Variants in FAM156A observed in about 807,000 individuals in gnomAD.
The protein encoded by FAM156A is protein FAM156A/FAM156B.
intron 1 of FAM156A, among the ~76,000 whole-genome samples, chrX:52,994,486 G>A (rs1218617685): frequency 9.0e-6 from 1 of 110,674 alleles, no homozygotes; most frequent in African/African-American, 3.3e-5. Context: ...TACATTCTGG[G>A]CAGAGACCCC....
Position 52,985,501 on chromosome X carries a change from A to G in FAM156A, c.-434+9805T>C, listed in dbSNP as rs183546001. ...CTTTCCACCTTAAGAAACTAGAAAA[A>G]GAAAATAAAAATAAACCCAAAGTAA... On this transcript the variant is annotated intron_variant, in intron 1 of 4. Transcript: ENST00000610625. Among the ~76,000 whole-genome samples, 566 of 103,303 alleles carry G rather than the reference A, an allele frequency of 5.5e-3. 2 individuals carry two copies. Among genetic ancestry groups the G allele is most frequent in the Middle Eastern group, 0.01 (2 of 199 alleles). 89.7% of individuals were successfully genotyped at this position (103,303 alleles called of 115,157 possible).
chrX:52,982,996 CT>C (rs1355373631), intron 1 of FAM156A, among the ~76,000 whole-genome samples: 1 of 112,730 alleles, frequency 8.9e-6, no homozygotes, highest in Non-Finnish European at 1.9e-5. Flanking sequence ...GGCTTTGGCC[CT>C]TTACAGGTTC....
intron 1 of FAM156A, among the ~76,000 whole-genome samples, chrX:52,995,017 T>C (rs782677134): frequency 9.0e-6 from 1 of 110,537 alleles, no homozygotes; most frequent in East Asian, 2.8e-4. Flanking sequence ...TCCAGACACA[T>C]AGGCACACAA....
intron 1 of FAM156A, among the ~76,000 whole-genome samples, chrX:52,991,584 GGC>G (rs1930777349): frequency 9.0e-6 from 1 of 111,544 alleles, no homozygotes; most frequent in Non-Finnish European, 1.9e-5. Context: ...TGATATAAAA[GGC>G]ATCACTCTGT....
chrX:52,991,744 C>A lies in FAM156A; in HGVS notation c.-434+3562G>T, dbSNP rs1930788979. On this transcript the variant is annotated intron_variant, in intron 1 of 4. Transcript: ENST00000610625. ...GCCAAGGAAGAGGGTAAGTGGTAGGCAGAATAGTGGCCCCCCAAACACATC... is the reference window on the plus strand; with the variant it reads ...GCCAAGGAAGAGGGTAAGTGGTAGGAAGAATAGTGGCCCCCCAAACACATC... Among the ~76,000 whole-genome samples, 3 of 111,041 alleles carry A rather than the reference C, an allele frequency of 2.7e-5. No individual in the cohort carries two copies. The Admixed American group carries it at 2.9e-4, about 11-fold the overall frequency.
intron 1 of FAM156A, among the ~76,000 whole-genome samples, chrX:52,980,850 G>A (rs1301833548): frequency 1.3e-5 from 1 of 74,961 alleles, no homozygotes; most frequent in Non-Finnish European, 2.6e-5. Context: ...GTGTGTGTGT[G>A]TAGAGGGAGA....
rs148317112 is a variant in FAM156A, at chrX:52,981,322, C to T, written c.-434+13984G>A. Among the ~76,000 whole-genome samples, 693 of 111,514 alleles carry T rather than the reference C, an allele frequency of 6.2e-3. 6 individuals carry two copies. Among genetic ancestry groups the T allele is most frequent in the African/African-American group, 0.022 (664 of 30,683 alleles). ...GTCCAGCCCAAGTCTCCATTTCAGG[C>T]TCAGCACCAATCTGGACAGGAAACT... On this transcript the variant is annotated intron_variant, in intron 1 of 4. Transcript: ENST00000610625.
At chrX:52,987,259 T>C (rs1602058460) in intron 1 of FAM156A, among the ~76,000 whole-genome samples, 1 of 111,985 alleles carries the variant, frequency 8.9e-6, no homozygotes, top group Non-Finnish European at 1.9e-5. Flanking sequence ...TGTCCCCAAA[T>C]TGATGTACAG....
intron 1 of FAM156A, among the ~76,000 whole-genome samples, chrX:52,985,576 C>CAA (rs56173971): frequency 9.2e-6 from 1 of 109,257 alleles, no homozygotes; most frequent in African/African-American, 3.3e-5. Context: ...AGACTGAAAA[C>CAA]AAAAAAAAGA....
chrX:52,976,217 G>A (rs1403306055), intron 1 of FAM156A, among the ~76,000 whole-genome samples: 3 of 111,789 alleles, frequency 2.7e-5, no homozygotes, highest in East Asian at 2.8e-4. Context: ...AGGCTGAGTC[G>A]GGCGGATCAT....
At chrX:52,990,100 T>C (rs781881420) in intron 1 of FAM156A, among the ~76,000 whole-genome samples, 15 of 110,369 alleles carry the variant, frequency 1.4e-4, no homozygotes, top group African/African-American at 4.9e-4. Context: ...AGAGGGAGGC[T>C]CCAAGAGACA....
intron 1 of FAM156A, among the ~76,000 whole-genome samples, chrX:52,983,726 T>C (rs782356234): frequency 1.8e-5 from 2 of 112,213 alleles, no homozygotes; most frequent in African/African-American, 6.5e-5. Flanking sequence ...GACCTGGCTG[T>C]GCTCCCACCC....
chrX:52,974,024 G>C (rs1363354546), intron 1 of FAM156A, among the ~76,000 whole-genome samples: 2 of 110,583 alleles, frequency 1.8e-5, no homozygotes, highest in Non-Finnish European at 3.8e-5. Flanking sequence ...TGTTGCCCAG[G>C]CTTCTCTCAA....
chrX:52,975,135 A>C (rs1929364267), intron 1 of FAM156A, among the ~76,000 whole-genome samples: 1 of 108,636 alleles, frequency 9.2e-6, no homozygotes, highest in African/African-American at 3.4e-5. Context: ...AGCTTCTGGG[A>C]AGCCACCTGA....
chrX:52,990,642 T>C (rs1313829684), intron 1 of FAM156A, among the ~76,000 whole-genome samples: 1 of 109,560 alleles, frequency 9.1e-6, no homozygotes, highest in Non-Finnish European at 1.9e-5. Context: ...AAATTAGCCA[T>C]GCATGTTGGC....
chrX:52,987,647 CA>C (rs782773978), intron 1 of FAM156A, among the ~76,000 whole-genome samples: 1,359 of 71,406 alleles, frequency 0.019, 9 homozygotes, highest in African/African-American at 0.043. Flanking sequence ...GACCCTGTCT[CA>C]AAAAAAAAAA....
chrX:52,983,158 TG>T (rs782809885), intron 1 of FAM156A, among the ~76,000 whole-genome samples: 5 of 112,081 alleles, frequency 4.5e-5, no homozygotes, highest in Non-Finnish European at 7.5e-5. Context: ...GAGGCTGAGA[TG>T]GGAGGATTGC....
intron 1 of FAM156A, among the ~76,000 whole-genome samples, chrX:52,986,004 T>C (rs1556794340): frequency 9.0e-6 from 1 of 111,110 alleles, no homozygotes; most frequent in East Asian, 2.8e-4. Flanking sequence ...TGGAATTTTC[T>C]TAATCCAGTC....
rs782456894 is a variant in FAM156A at position 52,982,567 on chromosome X, A to G, written c.-434+12739T>C. 3.6e-5 allele frequency among the ~76,000 whole-genome samples: 4 copies of G among 112,176 alleles called. No homozygotes were observed. In the East Asian group the frequency reaches 8.3e-4, roughly 23 times the overall value. On this transcript the variant is annotated intron_variant, in intron 1 of 4. Transcript: ENST00000610625. ...TCAATAGATACTATAAAGACACTCA[A>G]TGTAATTCAATATATACTTTAAATA...
Sources: allele counts gnomAD v4.1 joint callset (sites outside exome capture counted in the v4.1 genomes callset), GRCh38; gene constraint gnomAD v4.1.1; transcripts MANE v1.5; gene names NCBI Gene and HGNC (gene_info 2026-07-23, HGNC 2026-07-21).